The following TRAF3 variants were observed in gnomAD, a reference collection of about 807,000 sequenced individuals.
TRAF3 encodes the protein TNF receptor-associated factor 3.
A neutral mutation model predicts 62.3 loss-of-function variants in TRAF3; 13 were observed. That is an observed-to-expected ratio of 0.21 (90% CI 0.14 to 0.33). The LOEUF (loss-of-function observed/expected upper bound fraction) is 0.33. TRAF3 is among the 10% of genes least tolerant of loss of function. The pLI is 1.00. For missense variants in TRAF3, 440 were observed against 741.8 expected (o/e 0.59, Z 4.73); for synonymous variants, 269 against 283.4 (o/e 0.95, Z 0.51).
At chr14:102,828,637 G>A (rs549706624) in intron 1 of TRAF3, among the ~76,000 whole-genome samples, 30 of 152,308 alleles carry the variant, frequency 2.0e-4, no homozygotes, top group African/African-American at 6.7e-4. Flanking sequence ...TATTTTAAAT[G>A]TTTATGAATA....
intron 7 of TRAF3, among the ~76,000 whole-genome samples, chr14:102,888,401 G>T (rs2139929989): frequency 6.6e-6 from 1 of 152,286 alleles, no homozygotes; most frequent in South Asian, 2.1e-4. Flanking sequence ...GGCCGCATGG[G>T]CCCCTCAGTC....
Position 102,787,108 on chromosome 14 carries a change from G to A in TRAF3, c.-157+9433G>A, listed in dbSNP as rs187765702. 7.9e-4 allele frequency among the ~76,000 whole-genome samples: 121 copies of A among 152,236 alleles called. 2 individuals are homozygous for A. Among genetic ancestry groups the A allele is most frequent in the Admixed American group, 7.1e-3 (109 of 15,290 alleles). On this transcript the variant is annotated intron_variant, in intron 1 of 11. Coordinates refer to ENST00000392745, the MANE Select transcript of TRAF3 (RefSeq NM_145725.3). ...TCCTTTCCTGAGTGGTTTGATAAAG[G>A]GAATGACTTATTAGCAATGTGGATG... is the stretch of plus-strand genomic sequence containing the variant.
In TRAF3 at chr14:102,875,763, G is replaced by A. The variant is rs1288907768; in HGVS notation, c.402+35G>A. 5.1e-6 allele frequency: 8 copies of A among 1,562,234 alleles called. 1 individual carries two copies. In the African/African-American group the frequency reaches 8.2e-5, roughly 16 times the overall value. On this transcript the variant is annotated intron_variant, in intron 5 of 11. Transcript: ENST00000392745. ...AAAGGGACACTGGAACCTTTTACAT[G>A]AAGGAATTCGAGTCCCTTACATCCA...
chr14:102,788,604 C>T (rs1461651368), intron 1 of TRAF3, among the ~76,000 whole-genome samples: 1 of 152,124 alleles, frequency 6.6e-6, no homozygotes, highest in African/African-American at 2.4e-5. Flanking sequence ...TCAAGACCAT[C>T]CTGGCCAACA....
At chr14:102,884,346 A>C (rs971734127) in intron 6 of TRAF3, among the ~76,000 whole-genome samples, 1 of 152,206 alleles carries the variant, frequency 6.6e-6, no homozygotes, top group Non-Finnish European at 1.5e-5. Context: ...AACTGACGCC[A>C]TCTTCAGAAA....
chr14:102,778,973 C>G (rs1331840126), intron 1 of TRAF3, among the ~76,000 whole-genome samples: 1 of 152,116 alleles, frequency 6.6e-6, no homozygotes, highest in Non-Finnish European at 1.5e-5. Context: ...ACCTTTTCGC[C>G]GCGTTGTGAC....
intron 7 of TRAF3, 23 bp from the exon 8 acceptor site, chr14:102,889,537 C>T (rs753262760): frequency 8.7e-6 from 14 of 1,613,340 alleles, no homozygotes; most frequent in Non-Finnish European, 1.2e-5. Flanking sequence ...TGTGCCACAA[C>T]TCACGTCTCT....
intron 2 of TRAF3, among the ~76,000 whole-genome samples, chr14:102,852,248 C>T (rs936609459): frequency 2.6e-5 from 4 of 152,066 alleles, no homozygotes; most frequent in African/African-American, 4.8e-5. Context: ...TACAGGCACA[C>T]GCTGCCATGC....
chr14:102,892,206 C>G (rs959175862), intron 9 of TRAF3, among the ~76,000 whole-genome samples: 1 of 152,112 alleles, frequency 6.6e-6, no homozygotes, highest in Non-Finnish European at 1.5e-5. Context: ...TACAGGTGCG[C>G]ACCACCACAC....
intron 2 of TRAF3, among the ~76,000 whole-genome samples, chr14:102,858,180 C>T (rs1465891484): frequency 6.7e-6 from 1 of 149,964 alleles, no homozygotes; most frequent in Non-Finnish European, 1.5e-5. Flanking sequence ...TTGAGACAGT[C>T]TCACTCTGTC....
intron 1 of TRAF3, among the ~76,000 whole-genome samples, chr14:102,797,569 A>G (rs1294826914): frequency 1.3e-5 from 2 of 152,132 alleles, no homozygotes; most frequent in Non-Finnish European, 2.9e-5. Context: ...TCTAGTCCCC[A>G]TCTGTCTTTG....
Position 102,881,395 on chromosome 14 carries a change from CAAAAAAAA to C in TRAF3, c.571-4786_571-4779del, listed in dbSNP as rs57546209. Among the ~76,000 whole-genome samples, 133 of 117,470 alleles carry C rather than the reference CAAAAAAAA, an allele frequency of 1.1e-3. 1 individual carries two copies. The highest frequency in any genetic ancestry group is 2.0e-3 in the Non-Finnish European group (99 of 48,926). 77.1% of individuals were successfully genotyped at this position (117,470 alleles called of 152,430 possible). A position where few individuals can be genotyped will look rare whatever the true frequency, so the allele number is the denominator to read the frequency against. ...CAAGACTCCGTCTCAACAACAAAAA[CAAAAAAAA>C]AAAAAAAGAAAAAAAGGAAGGAGAT... is the stretch of plus-strand genomic sequence containing the variant. On this transcript the variant is annotated intron_variant, in intron 6 of 11. Coordinates refer to ENST00000392745, the MANE Select transcript of TRAF3 (RefSeq NM_145725.3).
At chr14:102,804,467 C>T (rs1009612263) in intron 1 of TRAF3, among the ~76,000 whole-genome samples, 2 of 152,046 alleles carry the variant, frequency 1.3e-5, no homozygotes, top group Admixed American at 6.6e-5. Context: ...GGGCCAAGAA[C>T]GCAATATCCT....
intron 2 of TRAF3, among the ~76,000 whole-genome samples, chr14:102,835,646 T>A (rs1885954470): frequency 6.6e-6 from 1 of 152,134 alleles, no homozygotes; most frequent in Non-Finnish European, 1.5e-5. Flanking sequence ...AGCAAACGAA[T>A]GCAGGAACAT....
intron 1 of TRAF3, among the ~76,000 whole-genome samples, chr14:102,824,135 T>G (rs1362728666): frequency 2.0e-5 from 3 of 152,240 alleles, no homozygotes; most frequent in Non-Finnish European, 2.9e-5. Context: ...TTGTATCTGC[T>G]TTTGCTGCTT....
At chr14:102,879,857 C>T (rs1888946641) in intron 6 of TRAF3, among the ~76,000 whole-genome samples, 3 of 152,028 alleles carry the variant, frequency 2.0e-5, no homozygotes. Flanking sequence ...TAGCTCACAC[C>T]TGTGTGCCCA....
chr14:102,838,286 T>G (rs146067003), intron 2 of TRAF3, among the ~76,000 whole-genome samples: 117 of 152,340 alleles, frequency 7.7e-4, no homozygotes, highest in African/African-American at 2.6e-3. Flanking sequence ...CAAGACACAT[T>G]GCTGTCTTCA....
rs958136034 is a variant in TRAF3, at chr14:102,910,996, C to T, written c.*5212C>T. ...TGTGAAGTGTGGAGGGCAGTGTCGA[C>T]GCTGCACAGCATCTGCAGATTCGCA... On this transcript the variant is annotated 3_prime_UTR_variant, in exon 12 of 12. Transcript: ENST00000392745. The T allele has an allele frequency of 6.6e-6, 1 of 152,218 alleles. No individual in the cohort carries two copies. Among genetic ancestry groups the T allele is most frequent in the Admixed American group, 6.5e-5 (1 of 15,286 alleles). The allele number at this position is 152,218 out of a possible 1,614,324, so 9.4% of individuals were successfully genotyped here. A position where few individuals can be genotyped will look rare whatever the true frequency, so the allele number is the denominator to read the frequency against.
At chr14:102,782,695 G>A (rs140693720) in intron 1 of TRAF3, among the ~76,000 whole-genome samples, 2 of 124,028 alleles carry the variant, frequency 1.6e-5, no homozygotes, top group Admixed American at 8.0e-5. Flanking sequence ...TGCTGATTTC[G>A]AGCATTAAAA....
Sources: allele counts gnomAD v4.1 joint callset (sites outside exome capture counted in the v4.1 genomes callset), GRCh38; gene constraint gnomAD v4.1.1; transcripts MANE v1.5; gene names NCBI Gene and HGNC (gene_info 2026-07-23, HGNC 2026-07-21).